The following DTNBP1 variants were observed in gnomAD, a reference collection of about 807,000 sequenced individuals.
The protein encoded by DTNBP1 is dystrobrevin binding protein 1.
In DTNBP1, 35 loss-of-function variants were observed where a neutral mutation model predicts 42.8. The observed-to-expected ratio is 0.82, with a 90% CI of 0.63 to 1.09. The LOEUF (loss-of-function observed/expected upper bound fraction) is 1.09. Among genes scored for constraint, DTNBP1 ranks in the 50% least tolerant of loss-of-function variants. The pLI, the probability that DTNBP1 is intolerant of heterozygous loss-of-function variation, is 0.00. For synonymous variants in DTNBP1, 171 were observed against 162.2 expected, an observed-to-expected ratio of 1.05 and a Z score of -0.41; for missense variants, 457 against 424.2, an observed-to-expected ratio of 1.08 and a Z score of -0.68.
intron 7 of DTNBP1, among the ~76,000 whole-genome samples, chr6:15,589,975 C>A (rs1776228259): frequency 6.6e-6 from 1 of 152,166 alleles, no homozygotes; most frequent in Non-Finnish European, 1.5e-5. Flanking sequence ...GTTGCCAAGG[C>A]TGGAGTGCAG....
chr6:15,582,550 G>A (rs1378028948), intron 7 of DTNBP1, among the ~76,000 whole-genome samples: 1 of 152,112 alleles, frequency 6.6e-6, no homozygotes, highest in African/African-American at 2.4e-5. Context: ...CTGATATTCT[G>A]TGCCACATTA....
At chr6:15,614,978 G>A in intron 6 of DTNBP1, 1 of 485,662 alleles carries the variant, frequency 2.1e-6, no homozygotes, top group South Asian at 1.7e-5. Flanking sequence ...GCCTCTTGGA[G>A]AAAACTAGCT....
At chr6:15,653,268 T>G (rs575627909) in intron 1 of DTNBP1, among the ~76,000 whole-genome samples, 1 of 152,334 alleles carries the variant, frequency 6.6e-6, no homozygotes, top group South Asian at 2.1e-4. Flanking sequence ...GACTACATTT[T>G]GCAGCAAAAC....
chr6:15,523,970 C>T (rs182785039), intron 9 of DTNBP1: 184 of 1,287,560 alleles, frequency 1.4e-4, no homozygotes, highest in Middle Eastern at 3.3e-4. Flanking sequence ...AAATTTGAAA[C>T]GCACCAAGCC....
chr6:15,536,307 G>A (rs758495424), intron 7 of DTNBP1, among the ~76,000 whole-genome samples: 3 of 152,240 alleles, frequency 2.0e-5, no homozygotes, highest in African/African-American at 4.8e-5. Context: ...AGAGATTTTG[G>A]CAGCAGCCTC....
chr6:15,648,275 CATT>C (rs1248821486), intron 3 of DTNBP1, among the ~76,000 whole-genome samples: 3 of 151,952 alleles, frequency 2.0e-5, no homozygotes, highest in Admixed American at 6.5e-5. Flanking sequence ...TCATAGTTGA[CATT>C]ATACTCAATG....
intron 7 of DTNBP1, among the ~76,000 whole-genome samples, chr6:15,566,187 C>A (rs926930866): frequency 1.3e-5 from 2 of 150,754 alleles, no homozygotes; most frequent in South Asian, 2.1e-4. Context: ...TAGTGGCGGG[C>A]GCCTGTAGTC....
At chr6:15,546,074 T>C in intron 7 of DTNBP1, 1 of 438,642 alleles carries the variant, frequency 2.3e-6, no homozygotes. Flanking sequence ...TTTTTTTTTT[T>C]TTTTTTTTTG....
intron 9 of DTNBP1, chr6:15,523,894 A>G: frequency 7.8e-7 from 1 of 1,287,264 alleles, no homozygotes; most frequent in South Asian, 1.2e-5. Context: ...AGAACCTTCT[A>G]CAGATGGCTG....
In DTNBP1 at chr6:15,658,098, T is replaced by C. The variant is rs115579873; in HGVS notation, c.56+4716A>G. On this transcript the variant is annotated intron_variant, in intron 1 of 9. Transcript: ENST00000344537. Reference sequence around the variant, plus strand: ...GGACAGAGACTGTTTTAGACACCTTTGTACCTGCAGGATCTGGCCCAATAT... The same window carrying C: ...GGACAGAGACTGTTTTAGACACCTTCGTACCTGCAGGATCTGGCCCAATAT... 2.9e-3 allele frequency among the ~76,000 whole-genome samples: 448 copies of C among 152,348 alleles called. 2 individuals carry two copies. Among genetic ancestry groups the C allele is most frequent in the Middle Eastern group, 6.8e-3 (2 of 294 alleles).
intron 4 of DTNBP1, among the ~76,000 whole-genome samples, chr6:15,634,753 T>C (rs1759909211): frequency 6.6e-6 from 1 of 152,210 alleles, no homozygotes; most frequent in South Asian, 2.1e-4. Flanking sequence ...ACGCTGATAA[T>C]CTGCCTTCCA....
intron 4 of DTNBP1, among the ~76,000 whole-genome samples, chr6:15,630,391 C>G (rs531960909): frequency 6.6e-6 from 1 of 152,272 alleles, no homozygotes; most frequent in African/African-American, 2.4e-5. Context: ...CACTTTCTGA[C>G]AGTGAAACAG....
intron 9 of DTNBP1, chr6:15,524,155 G>A (rs949397800): frequency 2.1e-6 from 3 of 1,420,934 alleles, no homozygotes; most frequent in Non-Finnish European, 2.8e-6. Flanking sequence ...CGCACGAAGA[G>A]GGAAGAGTTT....
intron 6 of DTNBP1, among the ~76,000 whole-genome samples, chr6:15,613,613 G>T (rs905516654): frequency 6.6e-6 from 1 of 151,900 alleles, no homozygotes; most frequent in Non-Finnish European, 1.5e-5. Context: ...TGATCTGCCC[G>T]CCTTGGCCTC....
chr6:15,656,669 A>T (rs1177392523), intron 1 of DTNBP1, among the ~76,000 whole-genome samples: 1 of 152,004 alleles, frequency 6.6e-6, no homozygotes, highest in East Asian at 1.9e-4. Flanking sequence ...GATTGCTTGA[A>T]CCCAGGAGGT....
Position 15,587,283 on chromosome 6 carries a change from G to A in DTNBP1, c.511+5776C>T, listed in dbSNP as rs990351367. ...AAACATGGATACATTCCATGTTCAT[G>A]GATTGAAAGACTCACTATCATTAAG... On this transcript the variant is annotated intron_variant, in intron 7 of 9. Coordinates refer to ENST00000344537, the MANE Select transcript of DTNBP1 (RefSeq NM_032122.5). This position sits in a 1 kb window ranked among gnomAD's most constrained non-coding sequence, Gnocchi z 4.1. 6.6e-6 allele frequency among the ~76,000 whole-genome samples: 1 copy of A among 152,040 alleles called. No individual in the cohort carries two copies. Among genetic ancestry groups the A allele is most frequent in the African/African-American group, 2.4e-5 (1 of 41,394 alleles).
intron 7 of DTNBP1, among the ~76,000 whole-genome samples, chr6:15,545,398 A>G (rs904766127): frequency 1.1e-4 from 17 of 152,238 alleles, no homozygotes; most frequent in Admixed American, 7.9e-4. Context: ...TGGCATTTGG[A>G]AAAACAATTC....
intron 7 of DTNBP1, among the ~76,000 whole-genome samples, chr6:15,536,934 C>A (rs571099081): frequency 6.6e-6 from 1 of 152,258 alleles, no homozygotes; most frequent in Non-Finnish European, 1.5e-5. Flanking sequence ...GATTTAATGA[C>A]TGCCCTGCTG....
intron 7 of DTNBP1, among the ~76,000 whole-genome samples, chr6:15,550,582 A>C (rs916822646): frequency 5.9e-5 from 9 of 152,240 alleles, no homozygotes; most frequent in African/African-American, 1.9e-4. Context: ...CATGCTTGAA[A>C]GCTGATCATA....
Sources: allele counts gnomAD v4.1 joint callset (sites outside exome capture counted in the v4.1 genomes callset), GRCh38; gene constraint gnomAD v4.1.1; non-coding constraint Gnocchi (gnomAD v3.1); transcripts MANE v1.5; gene names NCBI Gene and HGNC (gene_info 2026-07-23, HGNC 2026-07-21).